The following CALN1 variants were observed in gnomAD, a reference collection of about 807,000 sequenced individuals.
The protein encoded by CALN1 is calneuron 1.
In CALN1, 17 loss-of-function variants were observed where a neutral mutation model predicts 30.6. The observed-to-expected ratio is 0.56, with a 90% CI of 0.38 to 0.83. The LOEUF (loss-of-function observed/expected upper bound fraction) is 0.83, where lower values mean the gene tolerates loss of function less well. Among genes scored for constraint, CALN1 ranks in the 40% least tolerant of loss-of-function variants. The probability of loss-of-function intolerance (pLI) is 0.00; values close to 1 mark genes in which losing one functional copy is unlikely to be tolerated. For missense variants in CALN1, 291 were observed against 354.9 expected (o/e 0.82, Z 1.45); for synonymous variants, 156 against 131.4 (o/e 1.19, Z -1.28).
intron 2 of CALN1, among the ~76,000 whole-genome samples, chr7:72,393,081 G>GGTA (rs1805681090): frequency 6.6e-6 from 1 of 152,066 alleles, no homozygotes; most frequent in Non-Finnish European, 1.5e-5. Context: ...TCCATGAAAG[G>GGTA]GTTTCTAATG....
rs535981040 is a variant in CALN1, at chr7:72,024,451, T to G, written c.389-682A>C. The stretch of plus-strand genomic sequence containing the variant: ...TCTTGCTCTGTTGCCCAGGCTGGAG[T>G]GCAATGGCGTGATCTCGGCTCACTG... On this transcript the variant is annotated intron_variant, in intron 4 of 6. Coordinates refer to ENST00000395275, the MANE Select transcript of CALN1 (RefSeq NM_031468.4). Among the ~76,000 whole-genome samples the G allele has an allele frequency of 9.8e-4, 149 of 152,274 alleles. 1 individual carries two copies. Among genetic ancestry groups the G allele is most frequent in the Non-Finnish European group, 1.5e-3 (105 of 68,020 alleles).
intron 5 of CALN1, among the ~76,000 whole-genome samples, chr7:71,982,382 G>A (rs1026971143): frequency 2.6e-5 from 4 of 152,184 alleles, no homozygotes; most frequent in African/African-American, 7.2e-5. Flanking sequence ...ATCACCTGAG[G>A]TCAGGAGTTC....
At position 71,780,988 on chromosome 7, in the gene CALN1, A is replaced by C. The variant is rs1792685053; in HGVS notation, c.*6787T>G. On this transcript the variant is annotated 3_prime_UTR_variant, in exon 7 of 7. Coordinates refer to ENST00000395275, the MANE Select transcript of CALN1 (RefSeq NM_031468.4). ...GCCTGCAAGCTGTGACACATTTAAC[A>C]TACACCAATTTGCATTGTTTCATTT... 1 of 152,222 alleles carries C rather than the reference A, an allele frequency of 6.6e-6. No homozygotes were observed. The highest frequency in any genetic ancestry group is 1.5e-5 in the Non-Finnish European group (1 of 68,042). 9.4% of individuals were successfully genotyped at this position (152,222 alleles called of 1,614,324 possible). A position where few individuals can be genotyped will look rare whatever the true frequency, so the allele number is the denominator to read the frequency against.
At chr7:72,183,567 A>G (rs1464263196) in intron 3 of CALN1, among the ~76,000 whole-genome samples, 1 of 152,232 alleles carries the variant, frequency 6.6e-6, no homozygotes, top group African/African-American at 2.4e-5. Flanking sequence ...CAGGTTTCTG[A>G]GTGTAAACAG....
intron 3 of CALN1, among the ~76,000 whole-genome samples, chr7:72,210,398 G>C (rs993542586): frequency 6.6e-6 from 1 of 152,098 alleles, no homozygotes; most frequent in Non-Finnish European, 1.5e-5. Context: ...TGGGTGTGGT[G>C]GCTCAAACCT....
chr7:72,013,938 T>C (rs1298866864), intron 5 of CALN1, among the ~76,000 whole-genome samples: 1 of 152,172 alleles, frequency 6.6e-6, no homozygotes, highest in Admixed American at 6.5e-5. Context: ...GAACATATTT[T>C]AAATTATAGG....
intron 3 of CALN1, among the ~76,000 whole-genome samples, chr7:72,227,467 G>A (rs1469133328): frequency 2.0e-5 from 3 of 151,238 alleles, no homozygotes; most frequent in Non-Finnish European, 3.0e-5. Flanking sequence ...TTGAACCTGG[G>A]AGGTAAAGAT....
At chr7:72,103,305 G>C in intron 4 of CALN1, 1 of 178,766 alleles carries the variant, frequency 5.6e-6, no homozygotes, top group East Asian at 1.4e-4. Flanking sequence ...GTGGTATGAA[G>C]CTAGTCAGCT....
intron 3 of CALN1, among the ~76,000 whole-genome samples, chr7:72,204,580 C>G (rs1025749981): frequency 1.3e-5 from 2 of 152,142 alleles, no homozygotes; most frequent in Non-Finnish European, 2.9e-5. Context: ...TTCCTGAGAT[C>G]AAATCACTTT....
intron 3 of CALN1, among the ~76,000 whole-genome samples, chr7:72,144,765 C>A (rs541827834): frequency 2.8e-4 from 42 of 152,248 alleles, no homozygotes; most frequent in African/African-American, 9.1e-4. Flanking sequence ...GAAATTATAA[C>A]AAACTGTCTC....
At chr7:72,417,140 A>G (rs925510378), upstream of CALN1, among the ~76,000 whole-genome samples, 1 of 152,200 alleles carries the variant, frequency 6.6e-6, no homozygotes, top group Non-Finnish European at 1.5e-5. Flanking sequence ...CTGGAGGCCA[A>G]GGATAATAAG....
intron 2 of CALN1, among the ~76,000 whole-genome samples, chr7:72,391,103 T>C (rs1473171325): frequency 6.6e-6 from 1 of 152,172 alleles, no homozygotes; most frequent in Non-Finnish European, 1.5e-5. Flanking sequence ...AATCGGCTTG[T>C]GGAGAATTGA....
intron 5 of CALN1, among the ~76,000 whole-genome samples, chr7:71,850,421 T>C (rs1254223940): frequency 1.3e-5 from 2 of 152,178 alleles, no homozygotes; most frequent in Non-Finnish European, 2.9e-5. Context: ...TTTTGCCATG[T>C]AGTCCATGCT....
chr7:72,171,493 C>CA (rs1343416407), intron 3 of CALN1, among the ~76,000 whole-genome samples: 2 of 152,090 alleles, frequency 1.3e-5, no homozygotes, highest in African/African-American at 4.8e-5. Flanking sequence ...TCCTAAAATG[C>CA]ATGGTGACTG....
At position 72,362,678 on chromosome 7, in the gene CALN1, T is replaced by C. The variant is rs547946111; in HGVS notation, c.119+40573A>G. ...TGGCTGTCATTCTGTCCTGCCTGTG[T>C]GCCCAGTCCCTGCCACCCCCAGGAT... On this transcript the variant is annotated intron_variant, in intron 2 of 6. Coordinates refer to ENST00000395275, the MANE Select transcript of CALN1 (RefSeq NM_031468.4). Among the ~76,000 whole-genome samples the C allele has an allele frequency of 2.2e-4, 34 of 152,252 alleles. No individual in the cohort carries two copies. In the East Asian group the frequency reaches 6.4e-3, roughly 29 times the overall value.
chr7:72,012,076 C>CAG (rs2129529289), intron 5 of CALN1, among the ~76,000 whole-genome samples: 1 of 152,210 alleles, frequency 6.6e-6, no homozygotes, highest in East Asian at 1.9e-4. Flanking sequence ...TTCTATGGAA[C>CAG]AGAGATATGA....
intron 3 of CALN1, among the ~76,000 whole-genome samples, chr7:72,177,288 G>A (rs753251789): frequency 6.6e-6 from 1 of 152,146 alleles, no homozygotes; most frequent in South Asian, 2.1e-4. Context: ...ACTTGGAGGA[G>A]GAGACAGATT....
intron 4 of CALN1, among the ~76,000 whole-genome samples, chr7:72,056,445 T>C (rs1803261363): frequency 6.6e-6 from 1 of 151,940 alleles, no homozygotes; most frequent in South Asian, 2.1e-4. Context: ...AAAAGGAGGC[T>C]TAGTTAACAA....
At chr7:72,090,899 T>A (rs948483478) in intron 4 of CALN1, among the ~76,000 whole-genome samples, 2 of 151,442 alleles carry the variant, frequency 1.3e-5, no homozygotes, top group African/African-American at 4.9e-5. Context: ...AGAAAGAGAG[T>A]AGAACGATGA....
Sources: gnomAD v4.1 joint callset for allele counts (sites outside exome capture counted in the v4.1 genomes callset) on GRCh38, gnomAD v4.1.1 for gene constraint, MANE v1.5 for transcripts, NCBI Gene and HGNC (gene_info 2026-07-23, HGNC 2026-07-21) for gene names.